CTNNA2: variants seen among roughly 807,000 people sequenced by gnomAD.
CTNNA2 encodes the protein catenin alpha-2.
A neutral mutation model predicts 101.0 loss-of-function variants in CTNNA2; 42 were observed. The observed-to-expected ratio is 0.42, with a 90% CI of 0.32 to 0.54. The LOEUF (loss-of-function observed/expected upper bound fraction) is 0.54, where lower values mean the gene tolerates loss of function less well. Ranked by LOEUF, CTNNA2 falls within the 20% of genes least tolerant of loss-of-function variation. The pLI, the probability that CTNNA2 is intolerant of heterozygous loss-of-function variation, is 0.14. For missense variants in CTNNA2, 871 were observed against 1,223.1 expected (o/e 0.71, Z 4.29); for synonymous variants, 450 against 456.4 (o/e 0.99, Z 0.18).
chr2:79,574,270 G>C (rs769460431), intron 1 of CTNNA2: 1 of 152,080 alleles, frequency 6.6e-6, no homozygotes, highest in African/African-American at 2.4e-5. Context: ...TGTCCTATAA[G>C]TAAATTACGT....
chr2:79,585,006 C>G (rs879170995), intron 1 of CTNNA2, among the ~76,000 whole-genome samples: 3 of 152,118 alleles, frequency 2.0e-5, no homozygotes, highest in Non-Finnish European at 4.4e-5. Context: ...CGCAGTTTTT[C>G]CTATCTTTTT....
At chr2:80,267,797 C>T (rs1218957992) in intron 7 of CTNNA2, among the ~76,000 whole-genome samples, 2 of 152,110 alleles carry the variant, frequency 1.3e-5, no homozygotes, top group African/African-American at 2.4e-5. Flanking sequence ...TGGACAGAGG[C>T]TGTGTTAGTG....
At chr2:79,857,926 A>G in intron 3 of CTNNA2, 87 bp from the exon 4 acceptor site, 1 of 1,369,904 alleles carries the variant, frequency 7.3e-7, no homozygotes, top group Non-Finnish European at 1.0e-6. Flanking sequence ...TGCAATAAAA[A>G]CAGTAATTGT....
chr2:80,588,410 C>T (rs747818182), intron 14 of CTNNA2, among the ~76,000 whole-genome samples: 2 of 152,168 alleles, frequency 1.3e-5, no homozygotes, highest in Non-Finnish European at 1.5e-5. Context: ...CTTGTTCAAC[C>T]TCATCTGGGA....
chr2:80,454,725 A>C (rs1683812815), intron 9 of CTNNA2, among the ~76,000 whole-genome samples: 1 of 152,190 alleles, frequency 6.6e-6, no homozygotes, highest in African/African-American at 2.4e-5. Context: ...TGGTCTCCCC[A>C]GGTCTCCATC....
At chr2:79,966,684 G>A (rs1374731713) in intron 7 of CTNNA2, among the ~76,000 whole-genome samples, 2 of 152,172 alleles carry the variant, frequency 1.3e-5, no homozygotes, top group Non-Finnish European at 1.5e-5. Context: ...TGTTGTCCTC[G>A]CCACTCCATG....
chr2:80,112,246 A>G (rs1216746691), intron 7 of CTNNA2, among the ~76,000 whole-genome samples: 2 of 152,258 alleles, frequency 1.3e-5, no homozygotes, highest in Non-Finnish European at 2.9e-5. Flanking sequence ...CATTTAAAAA[A>G]TAAAGATCTC....
At chr2:79,204,180 A>G (rs983893099) in intron 2 of CTNNA2, among the ~76,000 whole-genome samples, 1 of 152,252 alleles carries the variant, frequency 6.6e-6, no homozygotes. Context: ...CAGAGGTCCC[A>G]GAGGGGAAGT....
intron 18 of CTNNA2, among the ~76,000 whole-genome samples, chr2:80,635,086 G>A (rs1672734350): frequency 1.3e-5 from 2 of 152,080 alleles, no homozygotes; most frequent in Non-Finnish European, 2.9e-5. Flanking sequence ...TAATTTAGAT[G>A]GAAGATAGAT....
At chr2:80,610,641 T>C (rs1698387874) in intron 17 of CTNNA2, among the ~76,000 whole-genome samples, 1 of 151,752 alleles carries the variant, frequency 6.6e-6, no homozygotes, top group African/African-American at 2.4e-5. Context: ...TTTGGACATA[T>C]TATTTCCATT....
At chr2:79,889,054 A>G (rs1684105955) in intron 6 of CTNNA2, among the ~76,000 whole-genome samples, 1 of 152,194 alleles carries the variant, frequency 6.6e-6, no homozygotes, top group African/African-American at 2.4e-5. Context: ...TAGTACTGCT[A>G]ATCTTTACTT....
At chr2:80,006,187 T>C (rs1412417080) in intron 7 of CTNNA2, among the ~76,000 whole-genome samples, 1 of 152,070 alleles carries the variant, frequency 6.6e-6, no homozygotes, top group Non-Finnish European at 1.5e-5. Context: ...GAGACAAATA[T>C]GTTTTAACAT....
At chr2:79,981,197 G>A (rs1048025522) in intron 7 of CTNNA2, among the ~76,000 whole-genome samples, 1 of 151,946 alleles carries the variant, frequency 6.6e-6, no homozygotes, top group Non-Finnish European at 1.5e-5. Context: ...GTAAACAGAG[G>A]GGAAAAAACA....
intron 7 of CTNNA2, among the ~76,000 whole-genome samples, chr2:80,388,366 C>A (rs1677207009): frequency 6.6e-6 from 1 of 152,188 alleles, no homozygotes; most frequent in Non-Finnish European, 1.5e-5. Flanking sequence ...AAACACATTA[C>A]AGGGCCTATG....
chr2:79,530,177 T>C (rs1430092776), intron 1 of CTNNA2, among the ~76,000 whole-genome samples: 2 of 152,186 alleles, frequency 1.3e-5, no homozygotes, highest in Non-Finnish European at 2.9e-5. Flanking sequence ...TTTATTTTAC[T>C]ACACGAATCA....
At chr2:79,723,431 A>G (rs967474240) in intron 2 of CTNNA2, among the ~76,000 whole-genome samples, 1 of 152,168 alleles carries the variant, frequency 6.6e-6, no homozygotes, top group Non-Finnish European at 1.5e-5. Flanking sequence ...TAGGATGTTA[A>G]TATCTTACTC....
intron 2 of CTNNA2, among the ~76,000 whole-genome samples, chr2:79,246,574 G>C (rs933969571): frequency 3.3e-5 from 5 of 152,118 alleles, no homozygotes; most frequent in African/African-American, 1.2e-4. Context: ...TCAAGGACAG[G>C]AATGAAAAGG....
At chr2:79,259,291 C>G (rs535422385) in intron 2 of CTNNA2, among the ~76,000 whole-genome samples, 5 of 152,150 alleles carry the variant, frequency 3.3e-5, no homozygotes, top group African/African-American at 9.7e-5. Context: ...TTCTCCACCC[C>G]CTCCTAACAC....
intron 3 of CTNNA2, among the ~76,000 whole-genome samples, chr2:79,349,892 G>A (rs779055291): frequency 5.9e-5 from 9 of 151,626 alleles, no homozygotes; most frequent in East Asian, 3.9e-4. Context: ...GTCAAGTTAC[G>A]GTGAAACCCT....
Sources: allele counts gnomAD v4.1 joint callset (sites outside exome capture counted in the v4.1 genomes callset), GRCh38; gene constraint gnomAD v4.1.1; transcripts MANE v1.5; gene names NCBI Gene and HGNC (gene_info 2026-07-23, HGNC 2026-07-21).